PRDM16: variants seen among roughly 807,000 people sequenced by gnomAD.
PRDM16 encodes PR/SET domain 16, also known as histone-lysine N-methyltransferase PRDM16.
PRDM16 carries 23 observed loss-of-function variants against 110.6 expected under a neutral mutation model. The ratio of observed to expected loss-of-function variants is 0.21; its 90% CI spans 0.15 to 0.29. The LOEUF (loss-of-function observed/expected upper bound fraction) is 0.29, where lower values mean the gene tolerates loss of function less well. PRDM16 is among the 10% of genes least tolerant of loss of function. The pLI is 1.00. For missense variants in PRDM16, 1,615 were observed against 1,794.3 expected (o/e 0.90, Z 1.81); for synonymous variants, 799 against 781.8 (o/e 1.02, Z -0.37).
intron 14 of PRDM16, among the ~76,000 whole-genome samples, chr1:3,430,330 A>C (rs1638731336): frequency 6.6e-6 from 1 of 152,146 alleles, no homozygotes; most frequent in Admixed American, 6.5e-5. Flanking sequence ...GAGTCCCCCC[A>C]CAGGCTCCGA....
chr1:3,229,853 G>A (rs1639367332), intron 2 of PRDM16, among the ~76,000 whole-genome samples: 1 of 152,228 alleles, frequency 6.6e-6, no homozygotes, highest in African/African-American at 2.4e-5. Flanking sequence ...ACGGGCGGGA[G>A]GGAGAGTGGT....
At chr1:3,299,738 G>A (rs113389607) in intron 3 of PRDM16, among the ~76,000 whole-genome samples, 3 of 107,234 alleles carry the variant, frequency 2.8e-5, no homozygotes, top group African/African-American at 1.0e-4. Context: ...TGATGTTTCC[G>A]ATCCCAGTCG....
At chr1:3,100,375 G>A (rs778657640) in intron 1 of PRDM16, among the ~76,000 whole-genome samples, 7 of 152,216 alleles carry the variant, frequency 4.6e-5, no homozygotes, top group Non-Finnish European at 8.8e-5. Context: ...CTCTCTTCCA[G>A]TGGGTGGCTG....
intron 14 of PRDM16, among the ~76,000 whole-genome samples, chr1:3,429,390 G>C (rs1056187227): frequency 1.3e-5 from 2 of 152,342 alleles, no homozygotes; most frequent in East Asian, 3.9e-4. Flanking sequence ...CAGACATAAA[G>C]AGGGCAAAGT....
intron 2 of PRDM16, among the ~76,000 whole-genome samples, chr1:3,187,145 C>A (rs1416756458): frequency 6.6e-6 from 1 of 152,202 alleles, no homozygotes; most frequent in African/African-American, 2.4e-5. Context: ...AGTGTCCTGC[C>A]CAGGTTGTGA....
chr1:3,260,307 T>C (rs1237889814), intron 3 of PRDM16, among the ~76,000 whole-genome samples: 1 of 152,164 alleles, frequency 6.6e-6, no homozygotes, highest in African/African-American at 2.4e-5. Flanking sequence ...AAGCCTCTTC[T>C]GAGCTGCTTC....
At chr1:3,427,365 G>A (rs1051638698) in intron 14 of PRDM16, among the ~76,000 whole-genome samples, 4 of 152,182 alleles carry the variant, frequency 2.6e-5, no homozygotes, top group African/African-American at 4.8e-5. Flanking sequence ...CCACAGAAGT[G>A]GGGTGTCTTG....
chr1:3,155,382 A>T (rs968712608), intron 1 of PRDM16, among the ~76,000 whole-genome samples: 1 of 152,202 alleles, frequency 6.6e-6, no homozygotes. Context: ...CTCCGCGAGG[A>T]CTTGGGTTCG....
intron 3 of PRDM16, among the ~76,000 whole-genome samples, chr1:3,357,250 G>A (rs1270872688): frequency 6.6e-6 from 1 of 152,126 alleles, no homozygotes; most frequent in African/African-American, 2.4e-5. Context: ...CCATGAACGG[G>A]GACCTAACTG....
At chr1:3,432,237 G>C in intron 16 of PRDM16, 97 bp downstream of exon 16, 7 of 1,132,644 alleles carry the variant, frequency 6.2e-6, no homozygotes, top group Non-Finnish European at 7.7e-6. Flanking sequence ...CTAGGCCTGA[G>C]GAAGCTCTGG....
At chr1:3,135,600 C>T (rs1051464223) in intron 1 of PRDM16, among the ~76,000 whole-genome samples, 3 of 152,152 alleles carry the variant, frequency 2.0e-5, no homozygotes, top group Admixed American at 6.5e-5. Flanking sequence ...CAGCTGTGAT[C>T]CTGGGTAACC....
chr1:3,234,576 T>C (rs1569895061), intron 2 of PRDM16, among the ~76,000 whole-genome samples: 1 of 151,990 alleles, frequency 6.6e-6, no homozygotes, highest in East Asian at 1.9e-4. Context: ...CTAAGCCCCA[T>C]AGTCAGAGAG....
At position 3,412,812 on chromosome 1, in the gene PRDM16, C is replaced by T; in HGVS notation, c.2603+12C>T. The stretch of plus-strand genomic sequence containing the variant: ...GACCCCATCTACAGGTATTCAGCAC[C>T]CCAGCCTCACTGGCTCTCCCTGGGG... On this transcript the variant is annotated intron_variant, in intron 9 of 16. Coordinates refer to ENST00000270722, the MANE Select transcript of PRDM16 (RefSeq NM_022114.4). The T allele has an allele frequency of 6.9e-7, 1 of 1,442,092 alleles. No homozygotes were observed. Among genetic ancestry groups the T allele is most frequent in the Non-Finnish European group, 9.1e-7 (1 of 1,097,632 alleles). 89.3% of individuals were successfully genotyped at this position (1,442,092 alleles called of 1,614,324 possible). A position where few individuals can be genotyped will look rare whatever the true frequency, so the allele number is the denominator to read the frequency against.
At chr1:3,154,289 G>C (rs1014700439) in intron 1 of PRDM16, among the ~76,000 whole-genome samples, 1 of 152,062 alleles carries the variant, frequency 6.6e-6, no homozygotes. Context: ...GCGGCGTGGT[G>C]GGGGGGCAGG....
At chr1:3,216,318 G>T (rs1276128239) in intron 2 of PRDM16, among the ~76,000 whole-genome samples, 2 of 152,110 alleles carry the variant, frequency 1.3e-5, no homozygotes, top group Admixed American at 6.5e-5. Flanking sequence ...TTGTCACAGT[G>T]CTGTCACTCC....
chr1:3,360,105 T>G (rs932391944), intron 3 of PRDM16, among the ~76,000 whole-genome samples: 4 of 152,252 alleles, frequency 2.6e-5, no homozygotes, highest in African/African-American at 9.6e-5. Context: ...TTCTTTTATC[T>G]CATCGTCCAG....
intron 3 of PRDM16, among the ~76,000 whole-genome samples, chr1:3,352,375 C>T (rs529371115): frequency 1.1e-4 from 16 of 152,324 alleles, no homozygotes; most frequent in African/African-American, 3.8e-4. Context: ...TTTTTCTCCC[C>T]CCAGATGCTC....
At position 3,433,714 on chromosome 1, in the gene PRDM16, C is replaced by G; in HGVS notation, c.3734C>G (p.Pro1245Arg). 6.2e-7 allele frequency: 1 copy of G among 1,614,038 alleles called. No homozygotes were observed. The highest frequency in any genetic ancestry group is 8.5e-7 in the Non-Finnish European group (1 of 1,179,938). The change falls in exon 17 of 17, where the codon CCT (proline) becomes CGT (arginine). Residue 1245 changes from proline (P) to arginine (R), a missense_variant. By Grantham distance (103) the Pro-to-Arg change is moderately radical (BLOSUM62 -2). Coordinates refer to ENST00000270722, the MANE Select transcript of PRDM16 (RefSeq NM_022114.4). ...AMMLSLSEDTPLHTPSQGSLD... is the reference protein window; with the variant it reads ...AMMLSLSEDTRLHTPSQGSLD... ...ATGCTGTCCCTTTCCGAAGACACTC[C>G]TCTCCACACCCCCTCCCAGGGTTCT...
chr1:3,109,865 C>T (rs1380299960), intron 1 of PRDM16, among the ~76,000 whole-genome samples: 4 of 152,266 alleles, frequency 2.6e-5, no homozygotes, highest in Non-Finnish European at 4.4e-5. Flanking sequence ...GATATGGGCT[C>T]AGCTGGCATC....
Sources: allele counts gnomAD v4.1 joint callset (sites outside exome capture counted in the v4.1 genomes callset), GRCh38; gene constraint gnomAD v4.1.1; transcripts MANE v1.5; gene names NCBI Gene and HGNC (gene_info 2026-07-23, HGNC 2026-07-21).